The following ASCC3 variants were observed in gnomAD, a reference collection of about 807,000 sequenced individuals.
ASCC3 encodes activating signal cointegrator 1 complex subunit 3.
In ASCC3, 158 loss-of-function variants were observed where a neutral mutation model predicts 256.3. The ratio of observed to expected loss-of-function variants is 0.62; its 90% CI spans 0.54 to 0.70. The LOEUF (loss-of-function observed/expected upper bound fraction) is 0.70. Among genes scored for constraint, ASCC3 ranks in the 30% least tolerant of loss-of-function variants. The pLI, the probability that ASCC3 is intolerant of heterozygous loss-of-function variation, is 0.00. For synonymous variants in ASCC3, 948 were observed against 883.4 expected, an observed-to-expected ratio of 1.07 and a Z score of -1.30; for missense variants, 2,259 against 2,626.0, an observed-to-expected ratio of 0.86 and a Z score of 3.05.
intron 5 of ASCC3, among the ~76,000 whole-genome samples, chr6:100,803,246 A>C (rs1770010994): frequency 6.6e-6 from 1 of 152,054 alleles, no homozygotes; most frequent in South Asian, 2.1e-4. Context: ...TACAAATTTC[A>C]TGTTGAATTG....
chr6:100,745,938 G>C (rs1278979286), intron 10 of ASCC3, among the ~76,000 whole-genome samples: 1 of 151,612 alleles, frequency 6.6e-6, no homozygotes, highest in East Asian at 2.0e-4. Flanking sequence ...ATTTCTTTTA[G>C]ATATATATCT....
intron 4 of ASCC3, among the ~76,000 whole-genome samples, chr6:100,823,899 T>G (rs1006036246): frequency 6.6e-6 from 1 of 152,194 alleles, no homozygotes. Flanking sequence ...AATGCTATAG[T>G]GTATGTTAAA....
intron 10 of ASCC3, among the ~76,000 whole-genome samples, chr6:100,726,929 C>A (rs1562253923): frequency 6.6e-6 from 1 of 152,012 alleles, no homozygotes; most frequent in Non-Finnish European, 1.5e-5. Flanking sequence ...AGCCTGTCCA[C>A]TGGGAAAATG....
rs977256122 is a variant in ASCC3, at chr6:100,638,468, C to A, written c.4122+133G>T. 8.5e-6 allele frequency: 6 copies of A among 709,934 alleles called. No homozygotes were observed. The African/African-American group carries it at 1.1e-4, about 13-fold the overall frequency. The allele number at this position is 709,934 out of a possible 1,614,324, so 44.0% of individuals were successfully genotyped here. ...ATCTTCACGGTATATCTGTACTGAT[C>A]TGGTCCCCTGGGAAATTCACTGAGA... On this transcript the variant is annotated intron_variant, in intron 25 of 41. Transcript: ENST00000369162.
At chr6:100,766,993 C>A in intron 9 of ASCC3, 152 bp downstream of exon 9, 1 of 859,468 alleles carries the variant, frequency 1.2e-6, no homozygotes, top group Middle Eastern at 3.4e-4. Flanking sequence ...ATAAGAACTG[C>A]CTTAATAGTA....
intron 36 of ASCC3, among the ~76,000 whole-genome samples, chr6:100,572,518 G>A (rs904283267): frequency 3.9e-5 from 6 of 152,088 alleles, no homozygotes; most frequent in Admixed American, 2.6e-4. Context: ...AATGAAAAGG[G>A]AATAGGGCAT....
chr6:100,702,193 C>T (rs1042672213), intron 13 of ASCC3, among the ~76,000 whole-genome samples: 15 of 151,816 alleles, frequency 9.9e-5, no homozygotes, highest in South Asian at 2.1e-4. Context: ...GCTTGGCTTA[C>T]GTAGTGGTGG....
intron 10 of ASCC3, among the ~76,000 whole-genome samples, chr6:100,741,942 C>T (rs913306260): frequency 3.3e-5 from 5 of 152,146 alleles, no homozygotes; most frequent in African/African-American, 1.2e-4. Context: ...GGAGAAGAGG[C>T]ATTGGATTTT....
At chr6:100,581,795 T>C (rs1756459239) in intron 36 of ASCC3, among the ~76,000 whole-genome samples, 1 of 151,328 alleles carries the variant, frequency 6.6e-6, no homozygotes, top group Admixed American at 6.6e-5. Context: ...TTCAGCTTTC[T>C]ACATATGGCT....
intron 10 of ASCC3, among the ~76,000 whole-genome samples, chr6:100,766,109 T>C (rs2115128910): frequency 6.6e-6 from 1 of 152,302 alleles, no homozygotes; most frequent in South Asian, 2.1e-4. Flanking sequence ...TAGTGCTATA[T>C]ACAGTGCATG....
At chr6:100,800,815 A>T (rs1336688279) in intron 5 of ASCC3, among the ~76,000 whole-genome samples, 1 of 151,696 alleles carries the variant, frequency 6.6e-6, no homozygotes, top group Non-Finnish European at 1.5e-5. Context: ...CATTTGAAAT[A>T]ATTTGTTTAT....
intron 36 of ASCC3, among the ~76,000 whole-genome samples, chr6:100,583,383 T>G (rs1002412782): frequency 5.3e-5 from 8 of 152,012 alleles, no homozygotes; most frequent in Admixed American, 5.2e-4. Context: ...TAGAGGTGTT[T>G]GTAGTATTCT....
intron 30 of ASCC3, among the ~76,000 whole-genome samples, chr6:100,621,589 T>C (rs1371296879): frequency 6.6e-6 from 1 of 152,050 alleles, no homozygotes; most frequent in South Asian, 2.1e-4. Context: ...CCAGAAACAA[T>C]AGATGCAGGC....
chr6:100,623,203 TA>T (rs998859479), intron 30 of ASCC3, among the ~76,000 whole-genome samples: 13 of 152,146 alleles, frequency 8.5e-5, no homozygotes, highest in South Asian at 8.3e-4. Context: ...TAATACAGGA[TA>T]AAAAAATCTT....
chr6:100,511,811 G>A (rs1773777901), intron 40 of ASCC3, among the ~76,000 whole-genome samples: 1 of 152,146 alleles, frequency 6.6e-6, no homozygotes, highest in South Asian at 2.1e-4. Context: ...CAAATGAGGT[G>A]AGACTTGAAG....
intron 1 of ASCC3, among the ~76,000 whole-genome samples, chr6:100,871,612 T>A (rs866535793): frequency 6.6e-6 from 1 of 151,956 alleles, no homozygotes; most frequent in African/African-American, 2.4e-5. Flanking sequence ...TACAAAAAAA[T>A]TTTAAAAAGC....
At chr6:100,879,058 G>C (rs1271675303) in intron 1 of ASCC3, among the ~76,000 whole-genome samples, 3 of 152,222 alleles carry the variant, frequency 2.0e-5, no homozygotes, top group Non-Finnish European at 4.4e-5. Flanking sequence ...CCTTGGGTTC[G>C]GTTAATTTGC....
At chr6:100,856,953 C>T (rs705599) in intron 3 of ASCC3, 107,357 of 151,972 alleles carry the variant, frequency 0.71, 38,134 homozygotes, top group East Asian at 0.75. Flanking sequence ...ATATTTATGT[C>T]CTAAGATTTA....
Position 100,589,703 on chromosome 6 carries a change from T to C in ASCC3, c.5481A>G (p.Gln1827=). 6.2e-7 allele frequency: 1 copy of C among 1,613,828 alleles called. No individual in the cohort carries two copies. Among genetic ancestry groups the C allele is most frequent in the Non-Finnish European group, 8.5e-7 (1 of 1,179,826 alleles). The change falls in exon 36 of 42, where the codon CAA becomes CAG. Residue 1827 remains glutamine, a synonymous_variant. Coordinates refer to ENST00000369162, the MANE Select transcript of ASCC3 (RefSeq NM_006828.4). ...RIASYYYLKH[Q]TVKMFKDRLK... ...AGCGGTCCTTGAACATTTTAACTGT[T>C]TGATGCTTCAAATAGTAATAGGAGG...
Sources: gnomAD v4.1 joint callset for allele counts (sites outside exome capture counted in the v4.1 genomes callset) on GRCh38, gnomAD v4.1.1 for gene constraint, MANE v1.5 for transcripts, NCBI Gene and HGNC (gene_info 2026-07-23, HGNC 2026-07-21) for gene names.